The following MROH7 variants were observed in gnomAD, a reference collection of about 807,000 sequenced individuals.
MROH7 encodes the protein maestro heat-like repeat-containing protein family member 7.
In MROH7, 113 loss-of-function variants were observed where a neutral mutation model predicts 129.2. The ratio of observed to expected loss-of-function variants is 0.87; its 90% CI spans 0.75 to 1.02. The LOEUF is 1.02. Among genes scored for constraint, MROH7 ranks in the 50% least tolerant of loss-of-function variants. MROH7 has a pLI of 0.00. For synonymous variants in MROH7, 655 were observed against 667.9 expected, an observed-to-expected ratio of 0.98 and a Z score of 0.30; for missense variants, 1,601 against 1,671.3, an observed-to-expected ratio of 0.96 and a Z score of 0.73.
At chr1:54,704,646 T>C (rs1351012878) in intron 21 of MROH7, among the ~76,000 whole-genome samples, 1 of 151,910 alleles carries the variant, frequency 6.6e-6, no homozygotes, top group Non-Finnish European at 1.5e-5. Context: ...TTTCACCATG[T>C]TGGCCAGACT....
chr1:54,700,887 T>C (rs973791015), intron 18 of MROH7, among the ~76,000 whole-genome samples: 4 of 152,224 alleles, frequency 2.6e-5, no homozygotes, highest in African/African-American at 7.2e-5. Context: ...CAGCGTGTCA[T>C]CTACCTAGAG....
chr1:54,699,793 T>C (rs886664128), intron 17 of MROH7: 35 of 363,050 alleles, frequency 9.6e-5, no homozygotes, highest in African/African-American at 6.8e-4. Flanking sequence ...CAGGAGGAAG[T>C]CCAGGGCACC....
intron 5 of MROH7, 23 bp downstream of exon 5, chr1:54,668,960 T>G: frequency 6.9e-5 from 106 of 1,528,568 alleles, no homozygotes; most frequent in Non-Finnish European, 9.1e-5. Flanking sequence ...CAGGCGGGTC[T>G]GTGGCATTGG....
chr1:54,665,288 TC>T, intron 4 of MROH7, 48 bp downstream of exon 4: 1 of 1,515,554 alleles, frequency 6.6e-7, no homozygotes, highest in Non-Finnish European at 9.1e-7. Context: ...GATACTTCCA[TC>T]CTGCCAACCC....
intron 17 of MROH7, among the ~76,000 whole-genome samples, chr1:54,696,364 C>T (rs1234459690): frequency 1.3e-5 from 2 of 152,158 alleles, no homozygotes; most frequent in African/African-American, 4.8e-5. Context: ...TTTAGGTGTA[C>T]AGTCCAATGA....
chr1:54,678,786 A>G lies in MROH7; in HGVS notation c.1981A>G (p.Ser661Gly), dbSNP rs529793273. 1.9e-5 allele frequency: 31 copies of G among 1,614,106 alleles called. No homozygotes were observed. The South Asian group carries it at 3.1e-4, about 16-fold the overall frequency. Residue 661 changes from serine (S) to glycine (G), a missense_variant, in exon 11 of 24, where the codon AGC becomes GGC. Coordinates refer to ENST00000421030, the MANE Select transcript of MROH7 (RefSeq NM_001039464.4). ...GACCAACAAAAAGGAGCTATATGAG[A>G]GCAACAAGCATTTCCTGGGGCCCTA... Reference protein sequence around the residue: ...EETNKKELYESNKHFLGPYNP... With the variant: ...EETNKKELYEGNKHFLGPYNP...
Position 54,679,445 on chromosome 1 carries a change from G to C in MROH7, c.2226+6G>C. 6.2e-7 allele frequency: 1 copy of C among 1,610,690 alleles called. No individual in the cohort carries two copies. Among genetic ancestry groups the C allele is most frequent in the Non-Finnish European group, 8.5e-7 (1 of 1,177,862 alleles). On this transcript the variant is annotated splice_donor_region_variant and intron_variant, in intron 12 of 23. Coordinates refer to ENST00000421030, the MANE Select transcript of MROH7 (RefSeq NM_001039464.4). Reference sequence around the variant, plus strand: ...GCCACAGGGCGCTGGAGGTGGTAAGGCCTCCTGGGGGCAGGGAGTGAACTG... The same window carrying C: ...GCCACAGGGCGCTGGAGGTGGTAAGCCCTCCTGGGGGCAGGGAGTGAACTG...
intron 5 of MROH7, among the ~76,000 whole-genome samples, chr1:54,669,949 AG>A (rs1644868856): frequency 6.6e-6 from 1 of 150,784 alleles, no homozygotes; most frequent in Non-Finnish European, 1.5e-5. Context: ...GGTTGCAGTG[AG>A]CCGAGATTGT....
chr1:54,684,037 A>G (rs773013445), intron 14 of MROH7, among the ~76,000 whole-genome samples: 1 of 152,224 alleles, frequency 6.6e-6, no homozygotes, highest in Non-Finnish European at 1.5e-5. Flanking sequence ...AACATCTTGC[A>G]TACACCTGGC....
chr1:54,673,149 A>C lies in MROH7; in HGVS notation c.1658A>C (p.Glu553Ala). ...ACACTGCTCAAAGCCCTCTTTATCG[A>C]GGACCCCACTCCTGCTGGGCTGAAG... Reference protein sequence around the residue: ...LQTLLKALFIEDPTPAGLKSI... With the variant: ...LQTLLKALFIADPTPAGLKSI... The change falls in exon 8 of 24, where the codon GAG (glutamate) becomes GCG (alanine). Residue 553 changes from glutamate to alanine, a missense_variant. By Grantham distance (107) the Glu-to-Ala change is moderately radical. Transcript: ENST00000421030. The C allele has an allele frequency of 6.2e-7, 1 of 1,613,876 alleles. No individual in the cohort carries two copies. The highest frequency in any genetic ancestry group is 1.7e-5 in the Admixed American group (1 of 59,996).
chr1:54,671,268 C>T (rs1470583321), intron 7 of MROH7, among the ~76,000 whole-genome samples: 3 of 151,852 alleles, frequency 2.0e-5, no homozygotes, highest in African/African-American at 7.3e-5. Flanking sequence ...GGCGTGGCAG[C>T]GGGCGCCTGT....
chr1:54,644,493 C>T (rs1644433356), intron 1 of MROH7, among the ~76,000 whole-genome samples: 1 of 151,936 alleles, frequency 6.6e-6, no homozygotes, highest in African/African-American at 2.4e-5. Context: ...GAGGTGCCCA[C>T]CACCATGCCT....
intron 17 of MROH7, chr1:54,697,794 G>A: frequency 1.6e-6 from 1 of 629,516 alleles, no homozygotes; most frequent in South Asian, 1.8e-5. Flanking sequence ...GCCTCTTGGA[G>A]AGGCACTTCT....
chr1:54,702,177 G>T lies in MROH7; in HGVS notation c.3373G>T (p.Glu1125Ter). Residue 1125 changes from glutamate (E) to a stop codon, truncating the protein, a stop_gained, in exon 20 of 24, where the codon GAG becomes TAG. Coordinates refer to ENST00000421030, the MANE Select transcript of MROH7 (RefSeq NM_001039464.4). LOFTEE classifies it high-confidence loss of function. ...LRAPRTQAME[E>*]QLVSTLVPLL... ...GGCACCACGCACTCAGGCCATGGAG[G>T]AGCAGCTGGTCAGCACCTTGGTGCC... 1 of 1,606,328 alleles carries T rather than the reference G, an allele frequency of 6.2e-7. No homozygotes were observed. Among genetic ancestry groups the T allele is most frequent in the Non-Finnish European group, 8.5e-7 (1 of 1,176,810 alleles).
At chr1:54,670,660 T>TTC in intron 6 of MROH7, 84 bp downstream of exon 6, 1 of 1,061,804 alleles carries the variant, frequency 9.4e-7, no homozygotes, top group Non-Finnish European at 1.3e-6. Context: ...CGCTGTACCC[T>TTC]CCCCCAACCC....
intron 3 of MROH7, among the ~76,000 whole-genome samples, chr1:54,656,219 GT>G (rs1327374383): frequency 1.3e-4 from 19 of 148,478 alleles, no homozygotes; most frequent in South Asian, 2.3e-4. Flanking sequence ...TAATTGAAAA[GT>G]TTTTTTTTCG....
At chr1:54,708,864 G>A (rs1236041065) in intron 22 of MROH7, 150 bp from the exon 23 acceptor site, 1 of 700,460 alleles carries the variant, frequency 1.4e-6, no homozygotes, top group Non-Finnish European at 2.6e-6. Flanking sequence ...TGGGGAATCT[G>A]TCCCAGGGTC....
chr1:54,661,984 C>T (rs1286560750), intron 3 of MROH7, among the ~76,000 whole-genome samples: 2 of 151,406 alleles, frequency 1.3e-5, no homozygotes, highest in African/African-American at 2.4e-5. Context: ...TTTGGGAGGC[C>T]GAGGCAGGAA....
At chr1:54,647,383 G>A (rs552673971) in intron 1 of MROH7, among the ~76,000 whole-genome samples, 1 of 152,178 alleles carries the variant, frequency 6.6e-6, no homozygotes, top group East Asian at 1.9e-4. Context: ...GGCTGAGGCA[G>A]GAGGATCACT....
Sources: allele counts gnomAD v4.1 joint callset (sites outside exome capture counted in the v4.1 genomes callset), GRCh38; gene constraint gnomAD v4.1.1; transcripts MANE v1.5; gene names NCBI Gene and HGNC (gene_info 2026-07-23, HGNC 2026-07-21).